The following NREP variants were observed in gnomAD, a reference collection of about 807,000 sequenced individuals.
NREP encodes neuronal regeneration-related protein.
A neutral mutation model predicts 8.6 loss-of-function variants in NREP; 5 were observed. The observed-to-expected ratio is 0.58, with a 90% CI of 0.30 to 1.22. The LOEUF is 1.22. NREP is among the 50% of genes most tolerant of loss of function. NREP has a pLI of 0.07. For synonymous variants in NREP, 27 were observed against 28.0 expected, an observed-to-expected ratio of 0.96 and a Z score of 0.11; for missense variants, 86 against 82.5, an observed-to-expected ratio of 1.04 and a Z score of -0.17.
At chr5:111,745,018 G>A (rs1229144481) in intron 2 of NREP, among the ~76,000 whole-genome samples, 1 of 152,096 alleles carries the variant, frequency 6.6e-6, no homozygotes, top group East Asian at 1.9e-4. Flanking sequence ...CAGAGACAGA[G>A]TATGTAAATT....
chr5:111,829,973 T>C (rs962190116), intron 2 of NREP, among the ~76,000 whole-genome samples: 222 of 151,936 alleles, frequency 1.5e-3, no homozygotes, highest in African/African-American at 5.2e-3. Context: ...AATGAAAAAA[T>C]TTCCCAAAAG....
chr5:111,933,853 TTAGA>T, intron 2 of NREP, among the ~76,000 whole-genome samples: 1 of 152,176 alleles, frequency 6.6e-6, no homozygotes, highest in East Asian at 1.9e-4. Context: ...TAGGGAGGAC[TTAGA>T]TAGTCGCAGA....
chr5:111,884,300 A>G (rs1418387239), intron 2 of NREP, among the ~76,000 whole-genome samples: 1 of 151,836 alleles, frequency 6.6e-6, no homozygotes, highest in Non-Finnish European at 1.5e-5. Flanking sequence ...TGAATAGACC[A>G]ATAACAGGAG....
intron 2 of NREP, among the ~76,000 whole-genome samples, chr5:111,753,135 A>C (rs1279454124): frequency 2.0e-5 from 3 of 151,832 alleles, no homozygotes; most frequent in Non-Finnish European, 4.4e-5. Flanking sequence ...GACTTATTGA[A>C]AAAAATGTTC....
At chr5:111,757,491 T>G (rs1003438721), upstream of NREP, 1 of 984,974 alleles carries the variant, frequency 1.0e-6, no homozygotes, top group African/African-American at 1.7e-5. Context: ...CTAATTCTGA[T>G]GGAGCTGGCG....
At chr5:111,746,568 T>A (rs1750019712) in intron 2 of NREP, among the ~76,000 whole-genome samples, 2 of 152,160 alleles carry the variant, frequency 1.3e-5, no homozygotes, top group Admixed American at 1.3e-4. Flanking sequence ...TGGCTAGGTA[T>A]ATAATCTCAA....
At chr5:111,754,459 G>C (rs532291623) in intron 2 of NREP, among the ~76,000 whole-genome samples, 11 of 152,318 alleles carry the variant, frequency 7.2e-5, no homozygotes, top group East Asian at 1.9e-4. Context: ...CTGAGATAAA[G>C]AGCTTGGAGG....
At chr5:111,868,851 A>G (rs1753725321) in intron 2 of NREP, among the ~76,000 whole-genome samples, 2 of 151,104 alleles carry the variant, frequency 1.3e-5, no homozygotes, top group Non-Finnish European at 1.5e-5. Context: ...TTTTTTTACC[A>G]CAATTGTGAA....
chr5:111,863,761 C>G (rs1753603896), intron 2 of NREP, among the ~76,000 whole-genome samples: 1 of 152,116 alleles, frequency 6.6e-6, no homozygotes, highest in Non-Finnish European at 1.5e-5. Flanking sequence ...ATTATCTGGT[C>G]TTTCTTTCAA....
chr5:111,783,355 A>C (rs7733119), intron 2 of NREP, among the ~76,000 whole-genome samples: 150,162 of 152,276 alleles, frequency 0.99, 74,076 homozygotes, highest in East Asian at 1. Context: ...AAGATTACCT[A>C]GTATATTCTA....
At chr5:111,796,836 C>T (rs1751883638) in intron 2 of NREP, among the ~76,000 whole-genome samples, 1 of 152,124 alleles carries the variant, frequency 6.6e-6, no homozygotes, top group African/African-American at 2.4e-5. Flanking sequence ...AATCACATTG[C>T]AGAGACAATG....
intron 2 of NREP, among the ~76,000 whole-genome samples, chr5:111,791,333 T>C (rs1751741333): frequency 6.6e-6 from 1 of 152,196 alleles, no homozygotes; most frequent in Non-Finnish European, 1.5e-5. Flanking sequence ...CTAATTGGAA[T>C]TTTATATCCT....
At chr5:111,756,228 C>A in intron 1 of NREP, 1 of 1,000,590 alleles carries the variant, frequency 1.0e-6, no homozygotes, top group Non-Finnish European at 1.2e-6. Context: ...CAGCCTTCCA[C>A]CGTGTAGTGT....
intron 2 of NREP, among the ~76,000 whole-genome samples, chr5:111,971,207 G>C (rs1756807250): frequency 6.6e-6 from 1 of 152,280 alleles, no homozygotes; most frequent in East Asian, 1.9e-4. Flanking sequence ...AAAATTTGTT[G>C]ATGATCTACT....
chr5:111,882,059 G>A (rs983912797), intron 2 of NREP, among the ~76,000 whole-genome samples: 2 of 152,030 alleles, frequency 1.3e-5, no homozygotes, highest in African/African-American at 4.8e-5. Flanking sequence ...TCAAACCAAA[G>A]GCAAAGAAGT....
intron 2 of NREP, among the ~76,000 whole-genome samples, chr5:111,877,164 C>A (rs1245043301): frequency 6.6e-6 from 1 of 152,194 alleles, no homozygotes; most frequent in Admixed American, 6.5e-5. Context: ...TAAAGCTAAC[C>A]TGTCACTGGA....
At chr5:111,886,856 A>G (rs1429480711) in intron 2 of NREP, among the ~76,000 whole-genome samples, 1 of 152,070 alleles carries the variant, frequency 6.6e-6, no homozygotes, top group Admixed American at 6.6e-5. Flanking sequence ...TAGCATTAGG[A>G]GATAGACCTA....
At chr5:111,873,846 TG>T (rs1428006386) in intron 2 of NREP, among the ~76,000 whole-genome samples, 1 of 152,190 alleles carries the variant, frequency 6.6e-6, no homozygotes, top group East Asian at 1.9e-4. Context: ...ACAAGGGCTG[TG>T]GGAGAGACTG....
intron 2 of NREP, among the ~76,000 whole-genome samples, chr5:111,829,515 T>C (rs959290746): frequency 1.3e-5 from 2 of 152,220 alleles, no homozygotes; most frequent in African/African-American, 4.8e-5. Flanking sequence ...CACCCACATA[T>C]ACCTAGTTCC....
Sources: gnomAD v4.1 joint callset for allele counts (sites outside exome capture counted in the v4.1 genomes callset) on GRCh38, gnomAD v4.1.1 for gene constraint, MANE v1.5 for transcripts, NCBI Gene and HGNC (gene_info 2026-07-23, HGNC 2026-07-21) for gene names.